PDE7A: variants seen among roughly 807,000 people sequenced by gnomAD.
PDE7A encodes phosphodiesterase 7A.
A neutral mutation model predicts 64.3 loss-of-function variants in PDE7A; 39 were observed. That is an observed-to-expected ratio of 0.61 (90% confidence interval 0.47 to 0.79). The LOEUF is 0.79. Among genes scored for constraint, PDE7A ranks in the 30% least tolerant of loss-of-function variants. The pLI is 0.00. For missense variants in PDE7A, 470 were observed against 582.8 expected, an observed-to-expected ratio of 0.81 and a Z score of 1.99; for synonymous variants, 203 against 206.8, an observed-to-expected ratio of 0.98 and a Z score of 0.16.
rs1040900756 is a variant in PDE7A, at chr8:65,716,258, C to T, written c.*3032G>A. 6.6e-6 allele frequency among the ~76,000 whole-genome samples: 1 copy of T among 151,922 alleles called. No homozygotes were observed. Among genetic ancestry groups the T allele is most frequent in the African/African-American group, 2.4e-5 (1 of 41,340 alleles). ...TGTAGGCAGGAAATGGGAGCCACAC[C>T]CACAGTTCCCCTGAGAATGTGGAAA... On this transcript the variant is annotated 3_prime_UTR_variant, in exon 13 of 13. Transcript: ENST00000401827.
chr8:65,803,953 C>T (rs575418941), intron 1 of PDE7A, among the ~76,000 whole-genome samples: 26 of 152,282 alleles, frequency 1.7e-4, no homozygotes, highest in Admixed American at 5.9e-4. Context: ...CTCCTACACA[C>T]AGACACACAT....
At chr8:65,795,405 G>A (rs1287012540) in intron 1 of PDE7A, among the ~76,000 whole-genome samples, 1 of 152,218 alleles carries the variant, frequency 6.6e-6, no homozygotes, top group African/African-American at 2.4e-5. Flanking sequence ...AGAGGAGGGA[G>A]CTGTGAGGAC....
intron 1 of PDE7A, among the ~76,000 whole-genome samples, chr8:65,788,571 C>T (rs1809621124): frequency 6.6e-6 from 1 of 152,062 alleles, no homozygotes; most frequent in Non-Finnish European, 1.5e-5. Flanking sequence ...AAAAGTATAA[C>T]TTAATTTTAT....
At chr8:65,803,402 T>G (rs1810040973) in intron 1 of PDE7A, among the ~76,000 whole-genome samples, 1 of 152,224 alleles carries the variant, frequency 6.6e-6, no homozygotes, top group Admixed American at 6.5e-5. Context: ...CCTTTTCAAG[T>G]TCTGGCTAGC....
intron 1 of PDE7A, among the ~76,000 whole-genome samples, chr8:65,797,342 T>C (rs757357083): frequency 1.3e-5 from 2 of 152,218 alleles, no homozygotes; most frequent in Non-Finnish European, 2.9e-5. Context: ...CAGGGAAATT[T>C]GGACAGACCA....
At chr8:65,732,473 A>G (rs1274729572) in intron 7 of PDE7A, among the ~76,000 whole-genome samples, 1 of 152,176 alleles carries the variant, frequency 6.6e-6, no homozygotes, top group Non-Finnish European at 1.5e-5. Flanking sequence ...ATAAAACGTG[A>G]TGCTGTGCAA....
intron 3 of PDE7A, among the ~76,000 whole-genome samples, chr8:65,774,899 C>A (rs536928738): frequency 8.5e-5 from 13 of 152,054 alleles, no homozygotes; most frequent in Non-Finnish European, 1.9e-4. Flanking sequence ...TCCACTGTAT[C>A]CTTGAGAGAG....
At chr8:65,786,236 A>G (rs947826314) in intron 1 of PDE7A, among the ~76,000 whole-genome samples, 1 of 152,188 alleles carries the variant, frequency 6.6e-6, no homozygotes, top group African/African-American at 2.4e-5. Context: ...ACAAATACTT[A>G]GCTTAAATGC....
At chr8:65,789,372 A>G (rs1353482379) in intron 1 of PDE7A, among the ~76,000 whole-genome samples, 1 of 152,268 alleles carries the variant, frequency 6.6e-6, no homozygotes, top group African/African-American at 2.4e-5. Flanking sequence ...TTCTTTTCAC[A>G]TAGAACTGTT....
At chr8:65,818,565 TC>T (rs1271727338) in intron 1 of PDE7A, among the ~76,000 whole-genome samples, 1 of 152,188 alleles carries the variant, frequency 6.6e-6, no homozygotes, top group Non-Finnish European at 1.5e-5. Context: ...AAGGCTTCCA[TC>T]TTTGTTGATG....
chr8:65,778,651 G>C (rs555212232), intron 3 of PDE7A, among the ~76,000 whole-genome samples: 2 of 152,062 alleles, frequency 1.3e-5, no homozygotes, highest in African/African-American at 4.8e-5. Flanking sequence ...CCGAGGCCCC[G>C]AGTGTCCCTA....
intron 1 of PDE7A, among the ~76,000 whole-genome samples, chr8:65,807,898 C>T (rs1398983805): frequency 6.6e-6 from 1 of 152,190 alleles, no homozygotes. Context: ...TCTGGAGCCA[C>T]TAAACCCTGG....
rs1169563213 is a variant in PDE7A at position 65,715,685 on chromosome 8, T to C, written c.*3605A>G. 6.9e-6 allele frequency among the ~76,000 whole-genome samples: 1 copy of C among 144,496 alleles called. No homozygotes were observed. Among genetic ancestry groups the C allele is most frequent in the Non-Finnish European group, 1.5e-5 (1 of 65,724 alleles). The allele number at this position is 144,496 out of a possible 152,430, so 94.8% of individuals were successfully genotyped here. ...GAGCCACCATGCCCGGCCACAAAAATGTTCTTAAAAAATTAGCTGGCCGGG... is the reference window on the plus strand; with the variant it reads ...GAGCCACCATGCCCGGCCACAAAAACGTTCTTAAAAAATTAGCTGGCCGGG... On this transcript the variant is annotated 3_prime_UTR_variant, in exon 13 of 13. Transcript: ENST00000401827.
chr8:65,751,732 T>C (rs1807975914), intron 3 of PDE7A, among the ~76,000 whole-genome samples: 1 of 152,254 alleles, frequency 6.6e-6, no homozygotes, highest in Non-Finnish European at 1.5e-5. Flanking sequence ...CCTCAGGTGA[T>C]CTGCCTGCCG....
chr8:65,729,759 G>A (rs1174945789), intron 7 of PDE7A, among the ~76,000 whole-genome samples: 2 of 151,210 alleles, frequency 1.3e-5, no homozygotes, highest in African/African-American at 4.9e-5. Context: ...TATAGAGATG[G>A]GGTTTCACCA....
intron 11 of PDE7A, among the ~76,000 whole-genome samples, 164 bp from the exon 12 acceptor site, chr8:65,723,785 A>G (rs1806493157): frequency 6.6e-6 from 1 of 152,198 alleles, no homozygotes; most frequent in Admixed American, 6.5e-5. Context: ...AGTTATTTAC[A>G]CATAGAAGAG....
chr8:65,827,759 C>T (rs1031211630), intron 1 of PDE7A, among the ~76,000 whole-genome samples: 34 of 152,166 alleles, frequency 2.2e-4, no homozygotes, highest in African/African-American at 6.0e-4. Context: ...AGCCTAGAAG[C>T]AATAGGCTAT....
intron 1 of PDE7A, among the ~76,000 whole-genome samples, chr8:65,827,887 C>T (rs1006088627): frequency 3.3e-5 from 5 of 152,078 alleles, no homozygotes; most frequent in African/African-American, 7.2e-5. Context: ...CATTGTTAAG[C>T]GACACATGAC....
At position 65,717,748 on chromosome 8, in the gene PDE7A, G is replaced by A. The variant is rs972958431; in HGVS notation, c.*1542C>T. The A allele has an allele frequency of 6.6e-6, 1 of 152,150 alleles. No individual in the cohort carries two copies. The highest frequency in any genetic ancestry group is 1.5e-5 in the Non-Finnish European group (1 of 68,032). 9.4% of individuals were successfully genotyped at this position (152,150 alleles called of 1,614,324 possible). On this transcript the variant is annotated 3_prime_UTR_variant, in exon 13 of 13. Coordinates refer to ENST00000401827, the MANE Select transcript of PDE7A (RefSeq NM_001242318.3). ...ACAGGCACATATTAAAATGAGTATGGCAAAGCCTTTTACAAATGGCTTTAC... is the reference window on the plus strand; with the variant it reads ...ACAGGCACATATTAAAATGAGTATGACAAAGCCTTTTACAAATGGCTTTAC...
Sources: gnomAD v4.1 joint callset for allele counts (sites outside exome capture counted in the v4.1 genomes callset) on GRCh38, gnomAD v4.1.1 for gene constraint, MANE v1.5 for transcripts, NCBI Gene and HGNC (gene_info 2026-07-23, HGNC 2026-07-21) for gene names.